Variants in NQO1 observed in about 807,000 individuals in gnomAD.
NQO1 encodes the protein NAD(P)H quinone dehydrogenase 1.
A neutral mutation model predicts 32.1 loss-of-function variants in NQO1; 30 were observed. The ratio of observed to expected loss-of-function variants is 0.94; its 90% CI spans 0.70 to 1.27. The LOEUF is 1.27. Ranked by LOEUF, NQO1 falls within the 50% of genes most tolerant of loss-of-function variation. The pLI is 0.00. For missense variants in NQO1, 276 were observed against 331.3 expected, an observed-to-expected ratio of 0.83 and a Z score of 1.30; for synonymous variants, 109 against 119.7, an observed-to-expected ratio of 0.91 and a Z score of 0.59.
chr16:69,718,284 AGAGGGGCCAAAGCTGG>A lies in NQO1; in HGVS notation c.173-47_173-32del, dbSNP rs774695646. 17 of 1,613,572 alleles carry A rather than the reference AGAGGGGCCAAAGCTGG, an allele frequency of 1.1e-5. No homozygotes were observed. The African/African-American group carries it at 2.3e-4, about 22-fold the overall frequency. Reference sequence around the variant, plus strand: ...GAGAAGAAAAAGAGAGGCTGGGGCCAGAGGGGCCAAAGCTGGGCCAGAGGACCCACAGGCAAGGAGA... The same window carrying A: ...GAGAAGAAAAAGAGAGGCTGGGGCCAGCCAGAGGACCCACAGGCAAGGAGA... On this transcript the variant is annotated intron_variant, in intron 2 of 5. Transcript: ENST00000320623.
chr16:69,715,331 A>G (rs1185279477), intron 3 of NQO1, among the ~76,000 whole-genome samples: 1 of 152,232 alleles, frequency 6.6e-6, no homozygotes, highest in Admixed American at 6.5e-5. Context: ...TACACAGAAG[A>G]CTTGTTGATA....
At chr16:69,721,889 G>A (rs544027225) in intron 1 of NQO1, among the ~76,000 whole-genome samples, 1 of 150,812 alleles carries the variant, frequency 6.6e-6, no homozygotes, top group Admixed American at 6.6e-5. Flanking sequence ...TGTAGTCCCA[G>A]CTACTTAGGA....
rs2038177431 is a variant in NQO1, at chr16:69,720,676, G to A, written c.8-2142C>T. Among the ~76,000 whole-genome samples the A allele has an allele frequency of 2.0e-5, 3 of 151,996 alleles. No homozygotes were observed. The South Asian group carries it at 6.2e-4, about 32-fold the overall frequency. On this transcript the variant is annotated intron_variant, in intron 1 of 5. Coordinates refer to ENST00000320623, the MANE Select transcript of NQO1 (RefSeq NM_000903.3). ...ATCCCCAGTAGCTAGGATTACAGGT[G>A]TGAGCCACCGTGCCAGGCCAATCAC...
intron 5 of NQO1, among the ~76,000 whole-genome samples, chr16:69,712,185 C>T (rs2038050411): frequency 6.6e-6 from 1 of 151,982 alleles, no homozygotes; most frequent in Non-Finnish European, 1.5e-5. Flanking sequence ...ACTCCTGGGT[C>T]TCTCACTTTA....
rs767931341 is a variant in NQO1, at chr16:69,710,931, C to A, written c.*45G>T. ...CAAGTCAGGGAAGCCTGGAAAGATA[C>A]CCAGATTTGATAACATGTTAGAAGG... On this transcript the variant is annotated 3_prime_UTR_variant, in exon 6 of 6. Transcript: ENST00000320623. 5 of 1,559,096 alleles carry A rather than the reference C, an allele frequency of 3.2e-6. No individual in the cohort carries two copies. In the East Asian group the frequency reaches 1.1e-4, roughly 35 times the overall value.
chr16:69,715,127 C>T (rs1455667828), intron 3 of NQO1, 50 bp from the exon 4 acceptor site: 1 of 1,445,698 alleles, frequency 6.9e-7, no homozygotes, highest in Non-Finnish European at 9.7e-7. Flanking sequence ...TCCCCAAGCC[C>T]AGAAGGTGGC....
In NQO1 at chr16:69,710,848, G is replaced by A. The variant is rs552973481; in HGVS notation, c.*128C>T. 113 of 1,012,672 alleles carry A rather than the reference G, an allele frequency of 1.1e-4. 1 individual carries two copies. The African/African-American group carries it at 1.7e-3, about 15-fold the overall frequency. 62.7% of individuals were successfully genotyped at this position (1,012,672 alleles called of 1,614,324 possible). ...GATCCAAAAATGCACGAATACAGTC[G>A]ATTCCCTCTCATTTATTCCTTGTGG... is the stretch of plus-strand genomic sequence containing the variant. On this transcript the variant is annotated 3_prime_UTR_variant, in exon 6 of 6. Coordinates refer to ENST00000320623, the MANE Select transcript of NQO1 (RefSeq NM_000903.3).
chr16:69,718,268 AAG>A lies in NQO1; in HGVS notation c.173-17_173-16del, dbSNP rs771505464. Reference sequence around the variant, plus strand: ...CTTCAGTTTACCTGCAGAGAAGAAAAAGAGAGGCTGGGGCCAGAGGGGCCAAA... The same window carrying A: ...CTTCAGTTTACCTGCAGAGAAGAAAAAGAGGCTGGGGCCAGAGGGGCCAAA... On this transcript the variant is annotated splice_polypyrimidine_tract_variant and intron_variant, in intron 2 of 5. Coordinates refer to ENST00000320623, the MANE Select transcript of NQO1 (RefSeq NM_000903.3). 6.2e-7 allele frequency: 1 copy of A among 1,613,810 alleles called. No homozygotes were observed. The highest frequency in any genetic ancestry group is 8.5e-7 in the Non-Finnish European group (1 of 1,179,948).
intron 1 of NQO1, among the ~76,000 whole-genome samples, chr16:69,722,023 G>A (rs1256382491): frequency 6.6e-6 from 1 of 152,002 alleles, no homozygotes; most frequent in Admixed American, 6.6e-5. Context: ...AAACAACAGC[G>A]TACAAGGGCA....
Position 69,709,759 on chromosome 16 carries a change from G to A in NQO1, c.*1217C>T. The A allele has an allele frequency of 2.5e-6, 1 of 398,570 alleles. No individual in the cohort carries two copies. The highest frequency in any genetic ancestry group is 1.3e-4 in the South Asian group (1 of 7,856). The allele number at this position is 398,570 out of a possible 1,614,324, so 24.7% of individuals were successfully genotyped here. On this transcript the variant is annotated 3_prime_UTR_variant, in exon 6 of 6. Transcript: ENST00000320623. ...CAGTGGAATGAGATGACTTCCAGAAGTAGAAATTGACTATTATGCCAAAAC... is the reference window on the plus strand; with the variant it reads ...CAGTGGAATGAGATGACTTCCAGAAATAGAAATTGACTATTATGCCAAAAC...
chr16:69,721,435 A>C (rs955693583), intron 1 of NQO1, among the ~76,000 whole-genome samples: 1 of 152,086 alleles, frequency 6.6e-6, no homozygotes, highest in Non-Finnish European at 1.5e-5. Flanking sequence ...ATTCCTCCAA[A>C]TGCAGCTCTC....
Position 69,710,780 on chromosome 16 carries a change from T to A in NQO1, c.*196A>T. 1 of 621,716 alleles carries A rather than the reference T, an allele frequency of 1.6e-6. No homozygotes were observed. The highest frequency in any genetic ancestry group is 2.7e-6 in the Non-Finnish European group (1 of 372,994). 38.5% of individuals were successfully genotyped at this position (621,716 alleles called of 1,614,324 possible). On this transcript the variant is annotated 3_prime_UTR_variant, in exon 6 of 6. Transcript: ENST00000320623. ...TGGCCTCTTGAGCCCAGTCGGATTT[T>A]GGTTATATGCCATGATAGTAATCAT...
intron 5 of NQO1, 151 bp downstream of exon 5, chr16:69,712,877 G>C: frequency 1.6e-6 from 1 of 644,130 alleles, no homozygotes; most frequent in South Asian, 1.9e-5. Context: ...GTGGTGGCGG[G>C]TGCCTGTCAG....
At chr16:69,725,215 G>T (rs1158837176) in intron 1 of NQO1, among the ~76,000 whole-genome samples, 1 of 152,166 alleles carries the variant, frequency 6.6e-6, no homozygotes, top group African/African-American at 2.4e-5. Context: ...CAACTGCAAG[G>T]GCAGTCTGTT....
In NQO1 at chr16:69,716,497, CAAAT is replaced by C. The variant is rs1296753004; in HGVS notation, c.304-1424_304-1421del. On this transcript the variant is annotated intron_variant, in intron 3 of 5. Coordinates refer to ENST00000320623, the MANE Select transcript of NQO1 (RefSeq NM_000903.3). ...ACAGAGCGAGACTCCATCTCAAAAA[CAAAT>C]AAATAAATAAATAAAATGTTAAAAA... 4.0e-5 allele frequency among the ~76,000 whole-genome samples: 6 copies of C among 151,120 alleles called. No homozygotes were observed. In the East Asian group the frequency reaches 9.8e-4, roughly 25 times the overall value.
At chr16:69,712,996 GA>G (rs752309750) in intron 5 of NQO1, 31 bp downstream of exon 5, 9 of 1,564,598 alleles carry the variant, frequency 5.8e-6, no homozygotes, top group African/African-American at 4.1e-5. Context: ...CCGTCTCAAA[GA>G]AAAAAAAGAA....
At chr16:69,717,977 A>G (rs570906612) in intron 3 of NQO1, 146 bp downstream of exon 3, 2 of 1,145,282 alleles carry the variant, frequency 1.7e-6, no homozygotes, top group East Asian at 4.7e-5. Context: ...AATCCATGTA[A>G]TACTGCACCT....
rs775316759 is a variant in NQO1 at position 69,714,969 on chromosome 16, AG to A, written c.411del (p.Phe138SerfsTer28). 1.4e-5 allele frequency: 22 copies of A among 1,611,030 alleles called. No homozygotes were observed. Among genetic ancestry groups the A allele is most frequent in the Non-Finnish European group, 8.5e-7 (1 of 1,177,478 alleles). On this transcript the variant is annotated frameshift_variant, in exon 4 of 6. Coordinates refer to ENST00000320623, the MANE Select transcript of NQO1 (RefSeq NM_000903.3). LOFTEE classifies it high-confidence loss of function. ...YTYAAMYDKG[P>X]FRSKKAVLSI... is the part of the protein sequence containing the mutation. ...ATTCAGAACCATCCACCTACCCGGAAGGGTCCTTTGTCATACATGGCAGCGT... is the reference window on the plus strand; with the variant it reads ...ATTCAGAACCATCCACCTACCCGGAAGGTCCTTTGTCATACATGGCAGCGT...
chr16:69,714,922 C>A, intron 4 of NQO1, 42 bp downstream of exon 4: 1 of 1,399,472 alleles, frequency 7.1e-7, no homozygotes, highest in Non-Finnish European at 1.0e-6. Context: ...GGACAGACCA[C>A]CCAGAAGCTG....
Sources: gnomAD v4.1 joint callset for allele counts (sites outside exome capture counted in the v4.1 genomes callset) on GRCh38, gnomAD v4.1.1 for gene constraint, MANE v1.5 for transcripts, NCBI Gene and HGNC (gene_info 2026-07-23, HGNC 2026-07-21) for gene names.